The following PLEKHB2 variants were observed in gnomAD, a reference collection of about 807,000 sequenced individuals.
PLEKHB2 encodes the protein pleckstrin homology domain containing B2.
PLEKHB2 carries 31 observed loss-of-function variants against 36.5 expected under a neutral mutation model. The observed-to-expected ratio is 0.85, with a 90% confidence interval of 0.64 to 1.15. PLEKHB2 has a LOEUF of 1.15. PLEKHB2 is among the 50% of genes most tolerant of loss of function. The pLI, the probability that PLEKHB2 is intolerant of heterozygous loss-of-function variation, is 0.00. For synonymous variants in PLEKHB2, 119 were observed against 112.0 expected, an observed-to-expected ratio of 1.06 and a Z score of -0.39; for missense variants, 262 against 295.3, an observed-to-expected ratio of 0.89 and a Z score of 0.83.
chr2:131,134,628 TAA>T (rs1232753257), intron 6 of PLEKHB2, among the ~76,000 whole-genome samples: 1 of 152,214 alleles, frequency 6.6e-6, no homozygotes, highest in Non-Finnish European at 1.5e-5. Flanking sequence ...GCAGCTATTA[TAA>T]AAAGTCTTGG....
chr2:131,144,933 C>G, intron 7 of PLEKHB2, among the ~76,000 whole-genome samples: 1 of 152,306 alleles, frequency 6.6e-6, no homozygotes, highest in South Asian at 2.1e-4. Context: ...AAGTAAATGC[C>G]GTAATTCCCT....
chr2:131,143,549 G>T (rs1006754810), intron 7 of PLEKHB2, among the ~76,000 whole-genome samples: 2 of 152,180 alleles, frequency 1.3e-5, no homozygotes, highest in African/African-American at 4.8e-5. Flanking sequence ...GTTGATCCCA[G>T]AATGGTTTAC....
rs1348247508 is a variant in PLEKHB2, at chr2:131,146,771, T to C, written c.667T>C (p.Ter223GlnextTer11). The C allele has an allele frequency of 6.2e-7, 1 of 1,603,172 alleles. No individual in the cohort carries two copies. Among genetic ancestry groups the C allele is most frequent in the Non-Finnish European group, 8.5e-7 (1 of 1,174,574 alleles). ...CTTAGGGTCTCTATTTTGGGTCTTCTAGGGGCCTCAAGGTCTTGATGTGCA... is the reference window on the plus strand; with the variant it reads ...CTTAGGGTCTCTATTTTGGGTCTTCCAGGGGCCTCAAGGTCTTGATGTGCA... ...MALGSLFWVF* is the reference protein window; with the variant it reads ...MALGSLFWVFQ Residue 223 changes from the stop codon to glutamine (Q), a stop_lost, in exon 8 of 8, where the codon TAG (stop) becomes CAG (glutamine). Coordinates refer to ENST00000693505, the MANE Select transcript of PLEKHB2 (RefSeq NM_001100623.2).
At chr2:131,117,299 C>G (rs371429144) in intron 1 of PLEKHB2, among the ~76,000 whole-genome samples, 1 of 152,014 alleles carries the variant, frequency 6.6e-6, no homozygotes, top group South Asian at 2.1e-4. Flanking sequence ...TGATGGCACA[C>G]GCCCGTAATT....
At chr2:131,138,587 T>G (rs970287932) in intron 6 of PLEKHB2, among the ~76,000 whole-genome samples, 2 of 152,146 alleles carry the variant, frequency 1.3e-5, no homozygotes, top group Admixed American at 1.3e-4. Flanking sequence ...GAGCCTCAGT[T>G]GACACCCATG....
intron 2 of PLEKHB2, among the ~76,000 whole-genome samples, chr2:131,121,694 A>G (rs932488619): frequency 6.6e-6 from 1 of 152,140 alleles, no homozygotes; most frequent in Non-Finnish European, 1.5e-5. Flanking sequence ...AGTCTTTGTA[A>G]TTATGTGGCT....
intron 1 of PLEKHB2, among the ~76,000 whole-genome samples, chr2:131,111,036 G>T (rs186884526): frequency 1.3e-5 from 2 of 151,738 alleles, no homozygotes; most frequent in South Asian, 4.2e-4. Flanking sequence ...ACGGAGTCTC[G>T]CTGTGATGCC....
Position 131,149,377 on chromosome 2 carries a change from T to A in PLEKHB2, c.*2604T>A, listed in dbSNP as rs1472523712. ...TACTTCCATGTGTACTTTTAAATAA[T>A]CCATACCTTGAAGAAGTTGGCCAAT... On this transcript the variant is annotated 3_prime_UTR_variant, in exon 8 of 8. Coordinates refer to ENST00000693505, the MANE Select transcript of PLEKHB2 (RefSeq NM_001100623.2). The A allele has an allele frequency of 1.3e-5, 2 of 152,228 alleles. No individual in the cohort carries two copies. The highest frequency in any genetic ancestry group is 2.9e-5 in the Non-Finnish European group (2 of 68,040). The allele number at this position is 152,228 out of a possible 1,614,324, so 9.4% of individuals were successfully genotyped here. A position where few individuals can be genotyped will look rare whatever the true frequency, so the allele number is the denominator to read the frequency against.
rs1456935725 is a variant in PLEKHB2 at position 131,119,494 on chromosome 2, T to TG, written c.-8-1436dup. On this transcript the variant is annotated intron_variant, in intron 1 of 7. Coordinates refer to ENST00000693505, the MANE Select transcript of PLEKHB2 (RefSeq NM_001100623.2). ...GTACCCGCTCAGCAGTCCTCCGTCG[T>TG]GGGGCATGTTGGCGCGCTTCTGCAG... Among the ~76,000 whole-genome samples, 3 of 152,184 alleles carry TG rather than the reference T, an allele frequency of 2.0e-5. No homozygotes were observed. In the East Asian group the frequency reaches 5.8e-4, roughly 29 times the overall value.
At position 131,148,451 on chromosome 2, in the gene PLEKHB2, A is replaced by AG. The variant is rs1483782746; in HGVS notation, c.*1679dup. ...CAGTGTGCTTTTACAGTGGCAGTTT[A>AG]GCACAGCGAATGTCCCTGCCCCACA... On this transcript the variant is annotated 3_prime_UTR_variant, in exon 8 of 8. Transcript: ENST00000693505. The AG allele has an allele frequency of 1.3e-5, 2 of 152,308 alleles. No homozygotes were observed. The highest frequency in any genetic ancestry group is 1.5e-5 in the Non-Finnish European group (1 of 68,036). 9.4% of individuals were successfully genotyped at this position (152,308 alleles called of 1,614,324 possible).
At chr2:131,112,966 G>T (rs972200145) in intron 1 of PLEKHB2, among the ~76,000 whole-genome samples, 1 of 152,164 alleles carries the variant, frequency 6.6e-6, no homozygotes, top group South Asian at 2.1e-4. Flanking sequence ...ACTTGTGGCT[G>T]GTGTCTGAAG....
At position 131,146,842 on chromosome 2, in the gene PLEKHB2, TTC is replaced by T; in HGVS notation, c.*71_*72del. 7.3e-7 allele frequency: 1 copy of T among 1,369,776 alleles called. No individual in the cohort carries two copies. Among genetic ancestry groups the T allele is most frequent in the Non-Finnish European group, 9.9e-7 (1 of 1,010,930 alleles). 84.9% of individuals were successfully genotyped at this position (1,369,776 alleles called of 1,614,324 possible). On this transcript the variant is annotated 3_prime_UTR_variant, in exon 8 of 8. Coordinates refer to ENST00000693505, the MANE Select transcript of PLEKHB2 (RefSeq NM_001100623.2). Reference sequence around the variant, plus strand: ...TGCAATAATATGATTTGCAGGGCATTTCTGTTTGTGACAAAAGTTTTTAATAA... The same window carrying T: ...TGCAATAATATGATTTGCAGGGCATTTGTTTGTGACAAAAGTTTTTAATAA...
intron 1 of PLEKHB2, 174 bp from the exon 2 acceptor site, chr2:131,120,760 G>T: frequency 1.4e-6 from 1 of 698,310 alleles, no homozygotes. Context: ...ACAGAGTGCG[G>T]GGCACATGAA....
At position 131,146,699 on chromosome 2, in the gene PLEKHB2, A is replaced by G; in HGVS notation, c.595A>G (p.Ser199Gly). ...IIRERYRDND[S>G]DLALGMLAGA... ...TCGAGAGCGCTATCGAGACAACGAC[A>G]GCGACCTGGCACTGGGCATGCTGGC... Residue 199 changes from serine to glycine, a missense_variant, in exon 8 of 8, where the codon AGC (serine) becomes GGC (glycine). Ser to Gly is a moderately conservative substitution (Grantham distance 56). Transcript: ENST00000693505. The G allele has an allele frequency of 6.2e-7, 1 of 1,614,096 alleles. No individual in the cohort carries two copies. Among genetic ancestry groups the G allele is most frequent in the Non-Finnish European group, 8.5e-7 (1 of 1,179,990 alleles).
intron 6 of PLEKHB2, 151 bp from the exon 7 acceptor site, chr2:131,140,016 A>T: frequency 3.6e-6 from 2 of 558,904 alleles, no homozygotes; most frequent in Non-Finnish European, 6.4e-6. Flanking sequence ...TAGTAATTTT[A>T]AAACGGGGGG....
intron 5 of PLEKHB2, among the ~76,000 whole-genome samples, chr2:131,131,826 T>C (rs1366845692): frequency 4.0e-5 from 6 of 149,354 alleles, no homozygotes; most frequent in African/African-American, 1.5e-4. Context: ...GCTCCCCAAA[T>C]GATTCTTTGT....
intron 2 of PLEKHB2, among the ~76,000 whole-genome samples, chr2:131,122,047 C>T (rs112630318): frequency 0.023 from 3,435 of 152,030 alleles, 50 homozygotes; most frequent in Non-Finnish European, 0.037. Context: ...TACAGGCGCA[C>T]GCCACCATGC....
intron 1 of PLEKHB2, among the ~76,000 whole-genome samples, chr2:131,110,280 C>G (rs1176886820): frequency 1.3e-5 from 2 of 150,994 alleles, no homozygotes; most frequent in Admixed American, 1.3e-4. Flanking sequence ...ACTTTTTTTC[C>G]TCCCCTGTAG....
At chr2:131,129,097 G>T (rs1055938838) in intron 4 of PLEKHB2, among the ~76,000 whole-genome samples, 5 of 152,242 alleles carry the variant, frequency 3.3e-5, no homozygotes, top group African/African-American at 1.2e-4. Context: ...GGTCAAGGCG[G>T]ATGGATCACC....
Sources: gnomAD v4.1 joint callset for allele counts (sites outside exome capture counted in the v4.1 genomes callset) on GRCh38, gnomAD v4.1.1 for gene constraint, MANE v1.5 for transcripts, NCBI Gene and HGNC (gene_info 2026-07-23, HGNC 2026-07-21) for gene names.